The following CSMD1 variants were observed in gnomAD, a reference collection of about 807,000 sequenced individuals.
CSMD1 encodes the protein CUB and Sushi multiple domains 1, also known as CUB and sushi domain-containing protein 1.
A neutral mutation model predicts 417.5 loss-of-function variants in CSMD1; 213 were observed. The ratio of observed to expected loss-of-function variants is 0.51; its 90% CI spans 0.46 to 0.57. The LOEUF (loss-of-function observed/expected upper bound fraction) is 0.57. CSMD1 is among the 20% of genes least tolerant of loss of function. The probability of loss-of-function intolerance (pLI) is 0.00; values close to 1 mark genes in which losing one functional copy is unlikely to be tolerated. For synonymous variants in CSMD1, 2,862 were observed against 1,736.8 expected, an observed-to-expected ratio of 1.65 and a Z score of -16.11; for missense variants, 6,923 against 4,529.7, an observed-to-expected ratio of 1.53 and a Z score of -15.17.
chr8:3,474,589 G>A (rs968461263), intron 11 of CSMD1, among the ~76,000 whole-genome samples: 1 of 152,138 alleles, frequency 6.6e-6, no homozygotes, highest in African/African-American at 2.4e-5. Context: ...TTATGCAGAA[G>A]TTTGGTCTTG....
intron 25 of CSMD1, among the ~76,000 whole-genome samples, chr8:3,295,273 C>T (rs934284495): frequency 6.6e-6 from 1 of 151,846 alleles, no homozygotes; most frequent in Non-Finnish European, 1.5e-5. Context: ...TACAGGTGCC[C>T]ACCACCACAC....
intron 37 of CSMD1, among the ~76,000 whole-genome samples, chr8:3,175,532 C>A (rs866552980): frequency 4.6e-4 from 64 of 139,760 alleles, no homozygotes; most frequent in African/African-American, 9.1e-4. Context: ...TTCCTTCCTT[C>A]CTTCTTCCCT....
chr8:4,116,156 G>A (rs900407199), intron 3 of CSMD1, among the ~76,000 whole-genome samples: 12 of 151,678 alleles, frequency 7.9e-5, no homozygotes, highest in African/African-American at 2.9e-4. Flanking sequence ...ACCGCACCCA[G>A]CTAATTTTTG....
intron 49 of CSMD1, among the ~76,000 whole-genome samples, chr8:3,067,863 T>C (rs142173536): frequency 2.8e-4 from 42 of 152,192 alleles, no homozygotes; most frequent in African/African-American, 9.1e-4. Flanking sequence ...GTCAATATTA[T>C]TACCCTCCAT....
rs755247844 is a variant in CSMD1, at chr8:4,135,713, T to C, written c.416-103614A>G. ...AGTCAGGATATTATTATTGTAATAA[T>C]ATAATTCAGTCACCAATTTATCATT... is the stretch of plus-strand genomic sequence containing the variant. On this transcript the variant is annotated intron_variant, in intron 3 of 69. Transcript: ENST00000635120. 2.0e-4 allele frequency among the ~76,000 whole-genome samples: 31 copies of C among 152,214 alleles called. 1 individual carries two copies. The highest frequency in any genetic ancestry group is 3.7e-4 in the Non-Finnish European group (25 of 68,040).
chr8:4,785,461 G>T (rs1797355956), intron 1 of CSMD1, among the ~76,000 whole-genome samples: 2 of 152,132 alleles, frequency 1.3e-5, no homozygotes, highest in Non-Finnish European at 2.9e-5. Context: ...GCAGCCCTTT[G>T]CTAAGCTTTG....
chr8:3,486,164 C>G (rs1392049639), intron 11 of CSMD1, among the ~76,000 whole-genome samples: 1 of 152,150 alleles, frequency 6.6e-6, no homozygotes, highest in Non-Finnish European at 1.5e-5. Flanking sequence ...AAATTTGATT[C>G]TGAACATGGC....
chr8:3,320,923 A>G (rs1043965527), intron 23 of CSMD1, among the ~76,000 whole-genome samples: 6 of 152,244 alleles, frequency 3.9e-5, no homozygotes, highest in African/African-American at 9.6e-5. Context: ...TAAAGCGTTC[A>G]GTAGCAAAAT....
chr8:3,921,044 G>C lies in CSMD1; in HGVS notation c.818+76859C>G, dbSNP rs1809217629. 2.0e-5 allele frequency among the ~76,000 whole-genome samples: 3 copies of C among 152,204 alleles called. No homozygotes were observed. The South Asian group carries it at 6.2e-4, about 32-fold the overall frequency. ...TTCCGAAAGAGTTTGAAAAGCGTTGGTTTAGTGTTTCTTTAAATGTTCGAT... is the reference window on the plus strand; with the variant it reads ...TTCCGAAAGAGTTTGAAAAGCGTTGCTTTAGTGTTTCTTTAAATGTTCGAT... On this transcript the variant is annotated intron_variant, in intron 5 of 69. Coordinates refer to ENST00000635120, the MANE Select transcript of CSMD1 (RefSeq NM_033225.6).
At chr8:4,158,690 G>T (rs1055388143) in intron 3 of CSMD1, among the ~76,000 whole-genome samples, 2 of 152,094 alleles carry the variant, frequency 1.3e-5, no homozygotes, top group East Asian at 3.9e-4. Context: ...TGGGCCAGCA[G>T]CTATTCCTAA....
chr8:3,057,360 T>G (rs1468031642), intron 49 of CSMD1, among the ~76,000 whole-genome samples: 1 of 152,132 alleles, frequency 6.6e-6, no homozygotes, highest in Non-Finnish European at 1.5e-5. Flanking sequence ...AAGATTATAA[T>G]CAAATAATTA....
At chr8:3,254,906 G>A (rs761535113) in intron 26 of CSMD1, among the ~76,000 whole-genome samples, 1 of 152,162 alleles carries the variant, frequency 6.6e-6, no homozygotes, top group Non-Finnish European at 1.5e-5. Flanking sequence ...TTGTTCCATT[G>A]TTGGTGAGGA....
intron 5 of CSMD1, among the ~76,000 whole-genome samples, chr8:3,825,676 G>T (rs568300943): frequency 6.6e-6 from 1 of 152,206 alleles, no homozygotes; most frequent in South Asian, 2.1e-4. Flanking sequence ...TTACTCTCTA[G>T]GCTCAAGAGC....
At chr8:4,846,243 T>C (rs1490623905) in intron 1 of CSMD1, among the ~76,000 whole-genome samples, 14 of 152,244 alleles carry the variant, frequency 9.2e-5, no homozygotes, top group Admixed American at 9.2e-4. Context: ...AATATAGCTC[T>C]TACTTTCAAA....
intron 49 of CSMD1, among the ~76,000 whole-genome samples, chr8:3,059,711 T>A (rs187792031): frequency 6.6e-6 from 1 of 151,858 alleles, no homozygotes; most frequent in Non-Finnish European, 1.5e-5. Context: ...GGGCAGCCCA[T>A]GAGAGAGAGG....
intron 11 of CSMD1, among the ~76,000 whole-genome samples, chr8:3,480,896 C>G (rs947163452): frequency 1.3e-5 from 2 of 151,954 alleles, no homozygotes; most frequent in South Asian, 2.1e-4. Flanking sequence ...ATGGCTCACG[C>G]CTGTAATCCC....
chr8:4,096,575 G>T (rs1269663578), intron 3 of CSMD1, among the ~76,000 whole-genome samples: 1 of 152,082 alleles, frequency 6.6e-6, no homozygotes, highest in African/African-American at 2.4e-5. Context: ...CGCCACTAAG[G>T]ATACCTTTTC....
chr8:4,640,232 G>A (rs938822388), intron 1 of CSMD1, among the ~76,000 whole-genome samples: 3 of 152,278 alleles, frequency 2.0e-5, no homozygotes, highest in East Asian at 1.9e-4. Context: ...CCATAGCACC[G>A]GTTAGAAATT....
intron 3 of CSMD1, among the ~76,000 whole-genome samples, chr8:4,206,989 T>TA (rs1418314281): frequency 2.0e-5 from 3 of 152,174 alleles, no homozygotes; most frequent in African/African-American, 4.8e-5. Flanking sequence ...TATAAATCTA[T>TA]AAAAATGTTT....
Sources: allele counts gnomAD v4.1 joint callset (sites outside exome capture counted in the v4.1 genomes callset), GRCh38; gene constraint gnomAD v4.1.1; transcripts MANE v1.5; gene names NCBI Gene and HGNC (gene_info 2026-07-23, HGNC 2026-07-21).